Variants in REDIC1 observed in about 807,000 individuals in gnomAD.
REDIC1 encodes regulator of DNA class I crossover intermediates 1.
the REDIC1 span, among the ~76,000 whole-genome samples, chr12:39,645,698 G>A: frequency 6.6e-6 from 1 of 152,064 alleles, no homozygotes; most frequent in Non-Finnish European, 1.5e-5. Flanking sequence ...AATGGGATAC[G>A]ATTATTGGTT....
the REDIC1 span, among the ~76,000 whole-genome samples, chr12:39,863,810 G>A: frequency 1.3e-5 from 2 of 152,156 alleles, no homozygotes; most frequent in East Asian, 3.8e-4. Flanking sequence ...CCTCACTGTT[G>A]TAATGAACAG....
the REDIC1 span, among the ~76,000 whole-genome samples, chr12:39,790,000 A>G: frequency 6.6e-6 from 1 of 152,136 alleles, no homozygotes; most frequent in Non-Finnish European, 1.5e-5. Flanking sequence ...ACATTCAAAA[A>G]GTAAAAGGAA....
chr12:39,718,287 C>T, the REDIC1 span, among the ~76,000 whole-genome samples: 6 of 152,186 alleles, frequency 3.9e-5, no homozygotes, highest in East Asian at 1.2e-3. Flanking sequence ...AGATGTTGTG[C>T]TTCAAAACAT....
chr12:39,800,462 A>C, the REDIC1 span, among the ~76,000 whole-genome samples: 2 of 141,118 alleles, frequency 1.4e-5, no homozygotes, highest in Non-Finnish European at 3.0e-5. Context: ...TCTCAAAAGA[A>C]GACATTTATG....
the REDIC1 span, among the ~76,000 whole-genome samples, chr12:39,676,590 C>A: frequency 6.6e-6 from 1 of 152,042 alleles, no homozygotes; most frequent in Non-Finnish European, 1.5e-5. Flanking sequence ...TATTCAAATA[C>A]AAGAAGCTCA....
chr12:39,756,466 TTTG>T, the REDIC1 span: 4 of 151,860 alleles, frequency 2.6e-5, no homozygotes, highest in African/African-American at 9.7e-5. Context: ...TCTCATTAAT[TTTG>T]TTGTTTTTAA....
the REDIC1 span, among the ~76,000 whole-genome samples, chr12:39,893,962 C>T: frequency 5.3e-5 from 8 of 152,246 alleles, no homozygotes; most frequent in East Asian, 9.6e-4. Flanking sequence ...GGAAGTAACA[C>T]AGATGCTGAA....
chr12:39,886,733 T>A, the REDIC1 span, among the ~76,000 whole-genome samples: 1 of 152,184 alleles, frequency 6.6e-6, no homozygotes, highest in East Asian at 1.9e-4. Flanking sequence ...AGCTACTTCA[T>A]AAGAAAATAC....
At chr12:39,864,691 TA>T in the REDIC1 span, 2 of 1,579,816 alleles carry the variant, frequency 1.3e-6, no homozygotes, top group Non-Finnish European at 1.7e-6. Flanking sequence ...TCTACAACTT[TA>T]AAAAAGTTAA....
At chr12:39,852,985 G>A in the REDIC1 span, among the ~76,000 whole-genome samples, 9 of 152,270 alleles carry the variant, frequency 5.9e-5, no homozygotes, top group East Asian at 7.7e-4. Context: ...CTCTTGAGTC[G>A]CTTGCTTGAG....
chr12:39,664,920 G>T, the REDIC1 span, among the ~76,000 whole-genome samples: 1 of 151,568 alleles, frequency 6.6e-6, no homozygotes, highest in African/African-American at 2.4e-5. Flanking sequence ...TTTTGATGCG[G>T]TTGTTTTTTT....
At chr12:39,708,773 T>C in the REDIC1 span, among the ~76,000 whole-genome samples, 2 of 151,880 alleles carry the variant, frequency 1.3e-5, no homozygotes, top group Non-Finnish European at 2.9e-5. Context: ...TTTTATTATC[T>C]TTTTATAAAT....
At chr12:39,740,507 GT>G in the REDIC1 span, among the ~76,000 whole-genome samples, 1 of 152,072 alleles carries the variant, frequency 6.6e-6, no homozygotes. Context: ...AATTTTTAGT[GT>G]TTTTTGTTTT....
At chr12:39,626,265 C>T in the REDIC1 span, 7 of 1,570,532 alleles carry the variant, frequency 4.5e-6, no homozygotes, top group Admixed American at 6.8e-5. Flanking sequence ...CCTGCTGAAG[C>T]TGCGATTTGG....
At chr12:39,764,740 G>A in the REDIC1 span, 2 of 1,612,222 alleles carry the variant, frequency 1.2e-6, no homozygotes, top group Non-Finnish European at 1.7e-6. Flanking sequence ...TGTTTACCAG[G>A]TGCAAAGAAG....
At chr12:39,768,909 G>A in the REDIC1 span, among the ~76,000 whole-genome samples, 277 of 152,194 alleles carry the variant, frequency 1.8e-3, no homozygotes, top group Middle Eastern at 3.4e-3. Flanking sequence ...TGTCTGTGAA[G>A]TGCAATGATG....
chr12:39,841,769 C>A, the REDIC1 span, among the ~76,000 whole-genome samples: 1 of 151,784 alleles, frequency 6.6e-6, no homozygotes, highest in East Asian at 1.9e-4. Context: ...TCTCTGGTGA[C>A]AATATACATT....
At chr12:39,892,120 C>T in the REDIC1 span, among the ~76,000 whole-genome samples, 1 of 152,192 alleles carries the variant, frequency 6.6e-6, no homozygotes, top group Non-Finnish European at 1.5e-5. Context: ...TTTACATTCC[C>T]ACTTCTGCTC....
At chr12:39,734,173 C>T in the REDIC1 span, among the ~76,000 whole-genome samples, 1 of 152,184 alleles carries the variant, frequency 6.6e-6, no homozygotes, top group Non-Finnish European at 1.5e-5. Flanking sequence ...AGTTCCCAGA[C>T]CCTTTGCGCT....
Sources: allele counts gnomAD v4.1 joint callset (sites outside exome capture counted in the v4.1 genomes callset), GRCh38; gene constraint gnomAD v4.1.1; transcripts MANE v1.5; gene names NCBI Gene and HGNC (gene_info 2026-07-23, HGNC 2026-07-21).